Variants in SLC36A1 observed in about 807,000 individuals in gnomAD.
SLC36A1 encodes proton-coupled amino acid transporter 1.
Under a neutral mutation model 47.5 loss-of-function variants are expected in SLC36A1, and 30 were observed. The ratio of observed to expected loss-of-function variants is 0.63; its 90% CI spans 0.47 to 0.86. SLC36A1 has a LOEUF of 0.86. Ranked by LOEUF, SLC36A1 falls within the 40% of genes least tolerant of loss-of-function variation. The pLI is 0.00. For synonymous variants in SLC36A1, 255 were observed against 249.7 expected, an observed-to-expected ratio of 1.02 and a Z score of -0.20; for missense variants, 517 against 606.0, an observed-to-expected ratio of 0.85 and a Z score of 1.54.
the SLC36A1 span, among the ~76,000 whole-genome samples, chr5:151,388,283 C>T: frequency 0.047 from 7,175 of 152,116 alleles, 219 homozygotes; most frequent in South Asian, 0.13. Flanking sequence ...GGGCGGATCA[C>T]CTGAGGTCGG....
chr5:151,505,825 C>T, the SLC36A1 span: 34 of 1,613,228 alleles, frequency 2.1e-5, no homozygotes, highest in Admixed American at 3.3e-5. Flanking sequence ...CAGGGGGCAA[C>T]CAGGCGCTCC....
the SLC36A1 span, chr5:151,505,400 G>C: frequency 1.3e-6 from 1 of 792,254 alleles, no homozygotes; most frequent in South Asian, 1.8e-5. Flanking sequence ...CACCCTCAGG[G>C]ACTAGGTGGG....
intron 1 of SLC36A1, among the ~76,000 whole-genome samples, chr5:151,457,630 C>G (rs1004365447): frequency 3.3e-5 from 5 of 152,128 alleles, no homozygotes; most frequent in African/African-American, 4.8e-5. Flanking sequence ...CTCCTCTGAG[C>G]TGCTTTCAGC....
chr5:151,424,595 T>C, the SLC36A1 span, among the ~76,000 whole-genome samples: 2 of 152,236 alleles, frequency 1.3e-5, no homozygotes, highest in African/African-American at 4.8e-5. Flanking sequence ...CACTAGACTT[T>C]GCCTACAATT....
the SLC36A1 span, among the ~76,000 whole-genome samples, chr5:151,358,904 G>T: frequency 6.7e-6 from 1 of 150,008 alleles, no homozygotes; most frequent in Non-Finnish European, 1.5e-5. Flanking sequence ...AACCCGGGAA[G>T]CGGAGCTTGC....
At chr5:151,435,934 G>C (rs1017483802), upstream of SLC36A1, among the ~76,000 whole-genome samples, 1 of 151,930 alleles carries the variant, frequency 6.6e-6, no homozygotes, top group African/African-American at 2.4e-5. Context: ...TAAAGTAAAA[G>C]GGATAGGAAA....
upstream of SLC36A1, among the ~76,000 whole-genome samples, chr5:151,445,299 G>A (rs887025194): frequency 1.3e-5 from 2 of 152,168 alleles, no homozygotes; most frequent in Non-Finnish European, 2.9e-5. Context: ...ATTAGTGTAT[G>A]TTAAACCAGC....
At chr5:151,419,788 C>T in the SLC36A1 span, 1 of 152,174 alleles carries the variant, frequency 6.6e-6, no homozygotes, top group South Asian at 2.1e-4. Context: ...TTAATTATAA[C>T]TGTATTTCCA....
chr5:151,413,400 C>T, the SLC36A1 span, among the ~76,000 whole-genome samples: 5 of 151,686 alleles, frequency 3.3e-5, no homozygotes, highest in Admixed American at 6.6e-5. Context: ...AAATGTCTGT[C>T]CTTAAGGACT....
the SLC36A1 span, among the ~76,000 whole-genome samples, chr5:151,362,063 A>G: frequency 6.6e-6 from 1 of 152,144 alleles, no homozygotes; most frequent in South Asian, 2.1e-4. Flanking sequence ...TTTGGGTTGA[A>G]TCTGTTTGTG....
At chr5:151,510,412 A>G in the SLC36A1 span, 2,379 of 461,140 alleles carry the variant, frequency 5.2e-3, 53 homozygotes, top group African/African-American at 0.043. Flanking sequence ...AAGAACAGTA[A>G]TAAACAGGAT....
chr5:151,472,467 T>C (rs1342724658), intron 7 of SLC36A1, among the ~76,000 whole-genome samples: 1 of 152,258 alleles, frequency 6.6e-6, no homozygotes, highest in Non-Finnish European at 1.5e-5. Context: ...CCTCCTTCAG[T>C]GCAATCAAGT....
the SLC36A1 span, among the ~76,000 whole-genome samples, chr5:151,532,873 A>G: frequency 6.6e-6 from 1 of 152,214 alleles, no homozygotes; most frequent in Non-Finnish European, 1.5e-5. Flanking sequence ...TCTCTGGTGG[A>G]ATGGTGACAG....
chr5:151,398,328 A>G, the SLC36A1 span, among the ~76,000 whole-genome samples: 1 of 152,208 alleles, frequency 6.6e-6, no homozygotes, highest in African/African-American at 2.4e-5. Context: ...TTCTACGCTC[A>G]GTCCACCAGG....
the SLC36A1 span, chr5:151,526,090 G>A: frequency 2.2e-6 from 2 of 905,596 alleles, no homozygotes; most frequent in South Asian, 1.6e-5. Flanking sequence ...ATGGTGCCTG[G>A]ACATCAAGCT....
the SLC36A1 span, chr5:151,510,234 G>A: frequency 6.4e-5 from 100 of 1,570,076 alleles, 1 homozygote; most frequent in South Asian, 1.1e-3. Flanking sequence ...AGGAGACCTG[G>A]CATTGGCAGA....
At chr5:151,520,957 G>T in the SLC36A1 span, among the ~76,000 whole-genome samples, 15 of 152,192 alleles carry the variant, frequency 9.9e-5, no homozygotes, top group African/African-American at 3.4e-4. Flanking sequence ...TCCTAAAGTC[G>T]CCTGGTTAGT....
the SLC36A1 span, among the ~76,000 whole-genome samples, chr5:151,398,032 C>T: frequency 5.3e-5 from 8 of 152,200 alleles, no homozygotes; most frequent in Admixed American, 3.3e-4. Context: ...GTGGGAGGAT[C>T]GCTTGAGCCC....
the SLC36A1 span, chr5:151,537,713 C>T: frequency 1.4e-5 from 19 of 1,399,216 alleles, no homozygotes; most frequent in Non-Finnish European, 1.7e-5. Context: ...GTTTCTTCTC[C>T]AAGGAGAATA....
Sources: gnomAD v4.1 joint callset for allele counts (sites outside exome capture counted in the v4.1 genomes callset) on GRCh38, gnomAD v4.1.1 for gene constraint, MANE v1.5 for transcripts, NCBI Gene and HGNC (gene_info 2026-07-23, HGNC 2026-07-21) for gene names.